XRN2: variants seen among roughly 807,000 people sequenced by gnomAD.
The protein encoded by XRN2 is DHM1-like protein.
XRN2 carries 44 observed loss-of-function variants against 138.5 expected under a neutral mutation model. That is an observed-to-expected ratio of 0.32 (90% CI 0.25 to 0.41). The LOEUF is 0.41. Ranked by LOEUF, XRN2 falls within the 10% of genes least tolerant of loss-of-function variation. The pLI is 1.00. For missense variants in XRN2, 937 were observed against 1,169.3 expected, an observed-to-expected ratio of 0.80 and a Z score of 2.90; for synonymous variants, 354 against 369.4, an observed-to-expected ratio of 0.96 and a Z score of 0.48.
intron 16 of XRN2, among the ~76,000 whole-genome samples, chr20:21,345,576 T>C (rs2038426082): frequency 6.6e-6 from 1 of 152,308 alleles, no homozygotes; most frequent in African/African-American, 2.4e-5. Context: ...TAAAGTGTTA[T>C]TTGGCTTCTT....
At chr20:21,308,227 C>G (rs1300347875) in intron 1 of XRN2, among the ~76,000 whole-genome samples, 1 of 152,042 alleles carries the variant, frequency 6.6e-6, no homozygotes, top group Non-Finnish European at 1.5e-5. Flanking sequence ...TGTAGATACA[C>G]CACATTTTAT....
intron 9 of XRN2, 121 bp downstream of exon 9, chr20:21,332,561 T>C: frequency 1.0e-6 from 1 of 988,222 alleles, no homozygotes; most frequent in South Asian, 2.7e-5. Flanking sequence ...CATTAAATAT[T>C]TGAGTTACCT....
At chr20:21,368,626 A>G (rs2038729599) in intron 27 of XRN2, 36 bp downstream of exon 27, 1 of 1,607,704 alleles carries the variant, frequency 6.2e-7, no homozygotes, top group East Asian at 2.2e-5. Context: ...TACATTATAA[A>G]TTAAATATCA....
At chr20:21,343,893 G>A (rs2038403170) in intron 15 of XRN2, among the ~76,000 whole-genome samples, 197 bp from the exon 16 acceptor site, 1 of 151,836 alleles carries the variant, frequency 6.6e-6, no homozygotes, top group Non-Finnish European at 1.5e-5. Flanking sequence ...GAAAGTTTGG[G>A]TATTACATTA....
At chr20:21,344,633 T>C (rs2038413279) in intron 16 of XRN2, among the ~76,000 whole-genome samples, 1 of 152,202 alleles carries the variant, frequency 6.6e-6, no homozygotes, top group South Asian at 2.1e-4. Context: ...AAAGAGTTCT[T>C]CCTCAAAATG....
At chr20:21,373,330 T>C (rs1225515118) in intron 27 of XRN2, among the ~76,000 whole-genome samples, 3 of 152,340 alleles carry the variant, frequency 2.0e-5, no homozygotes, top group Admixed American at 6.5e-5. Flanking sequence ...TCATTGCTTA[T>C]AGTGTTAAAT....
chr20:21,328,845 G>C (rs1324452529), intron 4 of XRN2, among the ~76,000 whole-genome samples, 175 bp downstream of exon 4: 1 of 152,134 alleles, frequency 6.6e-6, no homozygotes, highest in Non-Finnish European at 1.5e-5. Flanking sequence ...AGGCTTAATA[G>C]GCTTGTTTAT....
chr20:21,343,857 T>C (rs1338572020), intron 15 of XRN2, among the ~76,000 whole-genome samples: 2 of 151,800 alleles, frequency 1.3e-5, no homozygotes, highest in African/African-American at 4.8e-5. Context: ...GCCCTAATAA[T>C]GTTAATTGTT....
intron 14 of XRN2, 142 bp downstream of exon 14, chr20:21,339,230 G>C: frequency 1.3e-6 from 1 of 771,294 alleles, no homozygotes; most frequent in Non-Finnish European, 2.1e-6. Flanking sequence ...CTTTTTACCT[G>C]TAGAAAGAAC....
intron 20 of XRN2, among the ~76,000 whole-genome samples, chr20:21,352,978 A>G (rs1568586604): frequency 6.6e-6 from 1 of 151,940 alleles, no homozygotes; most frequent in Non-Finnish European, 1.5e-5. Context: ...TCATATCTGG[A>G]TGTAAGGCAT....
chr20:21,347,392 T>C (rs888077138), intron 17 of XRN2, among the ~76,000 whole-genome samples: 1 of 152,204 alleles, frequency 6.6e-6, no homozygotes, highest in South Asian at 2.1e-4. Context: ...GTAACACTGA[T>C]AGTTAATATC....
intron 1 of XRN2, among the ~76,000 whole-genome samples, chr20:21,308,319 T>A (rs1207258295): frequency 6.6e-6 from 1 of 152,246 alleles, no homozygotes; most frequent in African/African-American, 2.4e-5. Flanking sequence ...AACATCTCTG[T>A]ACAAGTCATT....
At position 21,366,190 on chromosome 20, in the gene XRN2, T is replaced by C. The variant is rs1428221315; in HGVS notation, c.2456+486T>C. On this transcript the variant is annotated intron_variant, in intron 26 of 29. Coordinates refer to ENST00000377191, the MANE Select transcript of XRN2 (RefSeq NM_012255.5). ...ATATAATATATATAAATATATATTA[T>C]ATTTATAGTTTATATATATAATATA... is the stretch of plus-strand genomic sequence containing the variant. 1.0e-4 allele frequency among the ~76,000 whole-genome samples: 13 copies of C among 128,704 alleles called. No homozygotes were observed. In the South Asian group the frequency reaches 2.9e-3, roughly 28 times the overall value. 84.4% of individuals were successfully genotyped at this position (128,704 alleles called of 152,430 possible).
Position 21,336,002 on chromosome 20 carries a change from G to T in XRN2, c.1233+1817G>T, listed in dbSNP as rs1484669781. Among the ~76,000 whole-genome samples the T allele has an allele frequency of 3.3e-5, 5 of 152,204 alleles. No homozygotes were observed. In the East Asian group the frequency reaches 9.6e-4, roughly 29 times the overall value. On this transcript the variant is annotated intron_variant, in intron 13 of 29. Transcript: ENST00000377191. ...CCAGATATATGTATTTTTCTGGGAA[G>T]TATGTCCCTGGCATTTGACAGATTT...
intron 1 of XRN2, 157 bp downstream of exon 1, chr20:21,303,630 A>T (rs1356387100): frequency 5.9e-6 from 8 of 1,358,430 alleles, no homozygotes; most frequent in East Asian, 6.2e-5. Flanking sequence ...ACGCGATGGG[A>T]CGCGGGCTGT....
At chr20:21,380,454 TTC>T (rs2038871152) in intron 27 of XRN2, among the ~76,000 whole-genome samples, 2 of 152,200 alleles carry the variant, frequency 1.3e-5, no homozygotes. Context: ...TTGTAAGAAC[TTC>T]TTACTTTTAT....
chr20:21,372,647 C>T (rs553977544), intron 27 of XRN2, among the ~76,000 whole-genome samples: 2 of 152,076 alleles, frequency 1.3e-5, no homozygotes, highest in African/African-American at 2.4e-5. Context: ...GATTATTGTA[C>T]GTGTATTTTT....
In XRN2 at chr20:21,365,679, G is replaced by T. The variant is rs779252284; in HGVS notation, c.2431G>T (p.Asp811Tyr). Residue 811 changes from aspartate to tyrosine, a missense_variant, in exon 26 of 30, where the codon GAT becomes TAT. Asp to Tyr is a radical substitution (Grantham distance 160, BLOSUM62 -3). Transcript: ENST00000377191. ...CCGTGACCGGAGGCCTGTGCACCTG[G>T]ATCAGGCAGCCTTCAGGACTTTGGG... Reference protein sequence around the residue: ...FNRDRRPVHLDQAAFRTLGHV... With the variant: ...FNRDRRPVHLYQAAFRTLGHV... 1 of 1,573,468 alleles carries T rather than the reference G, an allele frequency of 6.4e-7. No individual in the cohort carries two copies. The highest frequency in any genetic ancestry group is 8.6e-7 in the Non-Finnish European group (1 of 1,160,238).
At chr20:21,303,893 C>G (rs533588175) in intron 1 of XRN2, 1 of 977,890 alleles carries the variant, frequency 1.0e-6, no homozygotes, top group South Asian at 4.7e-5. Flanking sequence ...CGGAGGCCAG[C>G]TTTTTGACAA....
Sources: gnomAD v4.1 joint callset for allele counts (sites outside exome capture counted in the v4.1 genomes callset) on GRCh38, gnomAD v4.1.1 for gene constraint, MANE v1.5 for transcripts, NCBI Gene and HGNC (gene_info 2026-07-23, HGNC 2026-07-21) for gene names.